Variants in CDC123 observed in about 807,000 individuals in gnomAD.
CDC123 encodes translation initiation factor eIF2 assembly protein.
A neutral mutation model predicts 54.4 loss-of-function variants in CDC123; 37 were observed. That is an observed-to-expected ratio of 0.68 (90% CI 0.52 to 0.89). CDC123 has a LOEUF of 0.89. Ranked by LOEUF, CDC123 falls within the 40% of genes least tolerant of loss-of-function variation. CDC123 has a pLI of 0.00. For missense variants in CDC123, 361 were observed against 412.1 expected, an observed-to-expected ratio of 0.88 and a Z score of 1.07; for synonymous variants, 144 against 136.8, an observed-to-expected ratio of 1.05 and a Z score of -0.37.
At chr10:12,236,086 T>G (rs1835973704) in intron 8 of CDC123, among the ~76,000 whole-genome samples, 1 of 152,192 alleles carries the variant, frequency 6.6e-6, no homozygotes, top group Non-Finnish European at 1.5e-5. Context: ...ATAGACTGCT[T>G]CTATGCAATA....
intron 6 of CDC123, among the ~76,000 whole-genome samples, chr10:12,226,247 C>T (rs1306675560): frequency 6.6e-6 from 1 of 152,244 alleles, no homozygotes; most frequent in Non-Finnish European, 1.5e-5. Context: ...CCATCGTCAT[C>T]ATGGCCCGTT....
intron 2 of CDC123, among the ~76,000 whole-genome samples, chr10:12,201,253 C>T (rs1835435826): frequency 6.6e-6 from 1 of 152,178 alleles, no homozygotes; most frequent in African/African-American, 2.4e-5. Context: ...ATATTGTATG[C>T]TCTTAAAACA....
chr10:12,204,201 C>T (rs576304021), intron 2 of CDC123, among the ~76,000 whole-genome samples: 1 of 151,990 alleles, frequency 6.6e-6, no homozygotes, highest in East Asian at 1.9e-4. Context: ...TAAGGTGATA[C>T]TTGAACTGAG....
intron 7 of CDC123, among the ~76,000 whole-genome samples, chr10:12,232,055 C>G (rs965149403): frequency 6.6e-6 from 1 of 152,080 alleles, no homozygotes; most frequent in African/African-American, 2.4e-5. Flanking sequence ...CCATGTTGGC[C>G]AGGCTGGTCT....
At chr10:12,246,310 C>A (rs1836136810) in intron 11 of CDC123, 33 bp downstream of exon 11, 3 of 1,610,096 alleles carry the variant, frequency 1.9e-6, no homozygotes, top group Non-Finnish European at 2.5e-6. Context: ...ACAATGTAAA[C>A]CTTTCCAGTC....
chr10:12,239,573 A>G (rs1294250656), intron 10 of CDC123, among the ~76,000 whole-genome samples: 1 of 152,020 alleles, frequency 6.6e-6, no homozygotes, highest in Non-Finnish European at 1.5e-5. Flanking sequence ...TTAGCCGGGC[A>G]TGGTGGCGCA....
chr10:12,230,346 C>T (rs988969172), intron 6 of CDC123, among the ~76,000 whole-genome samples: 1 of 152,086 alleles, frequency 6.6e-6, no homozygotes, highest in East Asian at 1.9e-4. Context: ...GCGTCCACCA[C>T]CACAGCCGGC....
intron 1 of CDC123, among the ~76,000 whole-genome samples, chr10:12,197,388 T>TG (rs34327819): frequency 4.8e-4 from 73 of 152,196 alleles, no homozygotes; most frequent in Admixed American, 1.2e-3. Flanking sequence ...TAGATTTTTT[T>TG]TTTTTGAGAC....
rs929388310 is a variant in CDC123, at chr10:12,231,420, C to G, written c.489+424C>G. 3.3e-5 allele frequency among the ~76,000 whole-genome samples: 5 copies of G among 152,002 alleles called. No individual in the cohort carries two copies. In the East Asian group the frequency reaches 9.7e-4, roughly 29 times the overall value. Reference sequence around the variant, plus strand: ...GGTGGATCATCTGAGATCAGGAGTGCGAGACCAGCCTGGCCATCATGGCGA... The same window carrying G: ...GGTGGATCATCTGAGATCAGGAGTGGGAGACCAGCCTGGCCATCATGGCGA... On this transcript the variant is annotated intron_variant, in intron 7 of 12. Transcript: ENST00000281141.
chr10:12,196,385 ACTG>A, intron 1 of CDC123, 66 bp downstream of exon 1: 5 of 1,606,650 alleles, frequency 3.1e-6, no homozygotes, highest in Non-Finnish European at 4.3e-6. Flanking sequence ...AGCGAATCTT[ACTG>A]CTATCCAAAA....
At chr10:12,225,414 A>G (rs987579418) in intron 6 of CDC123, among the ~76,000 whole-genome samples, 1 of 152,140 alleles carries the variant, frequency 6.6e-6, no homozygotes, top group African/African-American at 2.4e-5. Flanking sequence ...ATAAATGAAT[A>G]AAAGAAAAGA....
Position 12,217,443 on chromosome 10 carries a change from T to C in CDC123, c.416T>C (p.Phe139Ser). 1 of 1,614,040 alleles carries C rather than the reference T, an allele frequency of 6.2e-7. No homozygotes were observed. Among genetic ancestry groups the C allele is most frequent in the South Asian group, 1.1e-5 (1 of 91,044 alleles). ...DIFLLFKSSD[F>S]ITRDFTQPFI... ...TTTCTGCTTTTCAAGAGTTCCGATT[T>C]CATCACTCGTGACTTCACTCAGCCG... The change falls in exon 6 of 13, where the codon TTC becomes TCC. Residue 139 changes from phenylalanine (F) to serine (S), a missense_variant. Coordinates refer to ENST00000281141, the MANE Select transcript of CDC123 (RefSeq NM_006023.3).
chr10:12,231,312 C>T (rs1351322825), intron 7 of CDC123, among the ~76,000 whole-genome samples: 2 of 152,104 alleles, frequency 1.3e-5, no homozygotes, highest in African/African-American at 4.8e-5. Context: ...ATTGTTCACT[C>T]ACCTTACAAA....
At chr10:12,208,537 T>G (rs1222060014) in intron 2 of CDC123, among the ~76,000 whole-genome samples, 1 of 152,186 alleles carries the variant, frequency 6.6e-6, no homozygotes, top group Non-Finnish European at 1.5e-5. Context: ...AGGAGCTGAC[T>G]GCAGGGAGAC....
chr10:12,209,969 A>C lies in CDC123; in HGVS notation c.149A>C (p.Asp50Ala). The part of the protein sequence containing the change: ...DDGTLVVSGR[D>A]DPPTHSQPDS... The stretch of plus-strand genomic sequence containing the variant: ...GATGTTTGTTTGTGTTTTTTTAGGG[A>C]TGATCCACCAACACATTCTCAGCCA... The change falls in exon 3 of 13, where the codon GAT becomes GCT. Residue 50 changes from aspartate (D) to alanine (A), a missense_variant and splice_region_variant. Coordinates refer to ENST00000281141, the MANE Select transcript of CDC123 (RefSeq NM_006023.3). The C allele has an allele frequency of 6.2e-7, 1 of 1,614,132 alleles. No individual in the cohort carries two copies. Among genetic ancestry groups the C allele is most frequent in the Non-Finnish European group, 8.5e-7 (1 of 1,180,002 alleles).
intron 2 of CDC123, among the ~76,000 whole-genome samples, chr10:12,209,697 T>G (rs890040449): frequency 2.0e-5 from 3 of 152,182 alleles, no homozygotes; most frequent in African/African-American, 7.2e-5. Flanking sequence ...CCCAAATAGC[T>G]GGGACTACAG....
intron 7 of CDC123, among the ~76,000 whole-genome samples, chr10:12,234,482 G>A (rs1365562524): frequency 6.6e-6 from 1 of 152,242 alleles, no homozygotes; most frequent in African/African-American, 2.4e-5. Flanking sequence ...GTCTCCGAAA[G>A]TGCTGGGGTT....
chr10:12,226,007 T>C (rs1181381276), intron 6 of CDC123, among the ~76,000 whole-genome samples: 2 of 151,960 alleles, frequency 1.3e-5, no homozygotes, highest in South Asian at 4.2e-4. Context: ...ACAAAGCACA[T>C]CTTGCACCGC....
At chr10:12,203,554 G>A (rs954310356) in intron 2 of CDC123, among the ~76,000 whole-genome samples, 3 of 152,160 alleles carry the variant, frequency 2.0e-5, no homozygotes, top group Admixed American at 6.5e-5. Flanking sequence ...TTTGATTCTC[G>A]TTGCCTGCTG....
Sources: gnomAD v4.1 joint callset for allele counts (sites outside exome capture counted in the v4.1 genomes callset) on GRCh38, gnomAD v4.1.1 for gene constraint, MANE v1.5 for transcripts, NCBI Gene and HGNC (gene_info 2026-07-23, HGNC 2026-07-21) for gene names.